The following CHODL variants were observed in gnomAD, a reference collection of about 807,000 sequenced individuals.
The protein encoded by CHODL is chondrolectin.
Under a neutral mutation model 34.5 loss-of-function variants are expected in CHODL, and 29 were observed. The observed-to-expected ratio is 0.84, with a 90% CI of 0.63 to 1.15. CHODL has a LOEUF of 1.15. Among genes scored for constraint, CHODL ranks in the 50% most tolerant of loss-of-function variants. CHODL has a pLI of 0.00. For synonymous variants in CHODL, 125 were observed against 116.1 expected (o/e 1.08, Z -0.49); for missense variants, 332 against 332.5 (o/e 1.00, Z 0.01).
At chr21:18,147,959 T>G (rs536568265) in intron 2 of CHODL, among the ~76,000 whole-genome samples, 1 of 152,174 alleles carries the variant, frequency 6.6e-6, no homozygotes, top group African/African-American at 2.4e-5. Flanking sequence ...TAATTGTACA[T>G]CTTATTTCAG....
At chr21:18,257,729 C>G (rs2074334617) in intron 3 of CHODL, among the ~76,000 whole-genome samples, 1 of 152,082 alleles carries the variant, frequency 6.6e-6, no homozygotes. Flanking sequence ...TTGAAATCTC[C>G]CACTACTTGT....
intron 2 of CHODL, among the ~76,000 whole-genome samples, chr21:18,158,787 G>A (rs1339047239): frequency 4.7e-5 from 7 of 148,070 alleles, no homozygotes; most frequent in African/African-American, 1.7e-4. Flanking sequence ...GCGGTGAGCC[G>A]AGGTGCTGCC....
At chr21:18,073,719 A>G (rs1017541414) in intron 2 of CHODL, among the ~76,000 whole-genome samples, 1 of 152,012 alleles carries the variant, frequency 6.6e-6, no homozygotes, top group Non-Finnish European at 1.5e-5. Flanking sequence ...GAATAAAAAG[A>G]TTAGCTTTAT....
At chr21:17,964,438 G>A (rs965483753) in intron 1 of CHODL, among the ~76,000 whole-genome samples, 3 of 152,232 alleles carry the variant, frequency 2.0e-5, no homozygotes, top group Non-Finnish European at 4.4e-5. Flanking sequence ...TTAAATAATA[G>A]AGAAGCCAAT....
intron 1 of CHODL, among the ~76,000 whole-genome samples, chr21:17,938,981 T>C (rs965507846): frequency 6.6e-6 from 1 of 152,214 alleles, no homozygotes; most frequent in South Asian, 2.1e-4. Flanking sequence ...CCCTACACTA[T>C]TCTGAAAATC....
chr21:18,175,012 A>G (rs771973453), intron 2 of CHODL, among the ~76,000 whole-genome samples: 71 of 152,352 alleles, frequency 4.7e-4, no homozygotes, highest in Non-Finnish European at 7.1e-4. Context: ...TGTGAAATGC[A>G]TATAATACTA....
chr21:18,216,714 C>T (rs1247103925), intron 2 of CHODL, among the ~76,000 whole-genome samples: 1 of 152,202 alleles, frequency 6.6e-6, no homozygotes, highest in African/African-American at 2.4e-5. Context: ...GGGGAGGAAT[C>T]AGGAAACTTA....
At chr21:18,073,820 C>A (rs141421742) in intron 2 of CHODL, among the ~76,000 whole-genome samples, 2 of 152,074 alleles carry the variant, frequency 1.3e-5, no homozygotes, top group African/African-American at 4.8e-5. Flanking sequence ...TATTCACAAT[C>A]ATTTATGTAA....
At chr21:18,170,528 G>A (rs2073214419) in intron 2 of CHODL, among the ~76,000 whole-genome samples, 1 of 151,974 alleles carries the variant, frequency 6.6e-6, no homozygotes. Context: ...TATTTTCTGT[G>A]TACTGTCTTA....
intron 2 of CHODL, among the ~76,000 whole-genome samples, chr21:18,150,670 G>C (rs1335236778): frequency 6.6e-6 from 1 of 151,984 alleles, no homozygotes; most frequent in African/African-American, 2.4e-5. Context: ...CCTATGATAC[G>C]CATACACTGT....
At chr21:18,146,738 T>G (rs766730463) in intron 2 of CHODL, among the ~76,000 whole-genome samples, 1 of 152,220 alleles carries the variant, frequency 6.6e-6, no homozygotes, top group Non-Finnish European at 1.5e-5. Flanking sequence ...CTCATCTCTT[T>G]TATTTCAAGA....
At chr21:18,212,102 GTCTT>G (rs1325189104) in intron 2 of CHODL, among the ~76,000 whole-genome samples, 1 of 152,090 alleles carries the variant, frequency 6.6e-6, no homozygotes, top group African/African-American at 2.4e-5. Flanking sequence ...CATGCTTTGA[GTCTT>G]TCTTTTTGCT....
At chr21:18,212,431 G>A (rs947046786) in intron 2 of CHODL, among the ~76,000 whole-genome samples, 2 of 152,016 alleles carry the variant, frequency 1.3e-5, no homozygotes, top group Non-Finnish European at 2.9e-5. Flanking sequence ...ATAGAAACAA[G>A]TGAATTCTTA....
chr21:18,231,231 A>G (rs2073975553), intron 2 of CHODL, among the ~76,000 whole-genome samples: 1 of 152,166 alleles, frequency 6.6e-6, no homozygotes, highest in African/African-American at 2.4e-5. Flanking sequence ...GGTAAATTTC[A>G]GCTCCTTTCC....
chr21:18,227,927 C>T (rs1779920514), intron 2 of CHODL, among the ~76,000 whole-genome samples: 1 of 152,060 alleles, frequency 6.6e-6, no homozygotes, highest in Non-Finnish European at 1.5e-5. Flanking sequence ...TCTAGAAGAA[C>T]AAGACTTTTG....
chr21:18,215,847 G>C (rs1272388986), intron 2 of CHODL, among the ~76,000 whole-genome samples: 1 of 152,042 alleles, frequency 6.6e-6, no homozygotes, highest in Non-Finnish European at 1.5e-5. Context: ...CAAACTTCTT[G>C]GGAAATCTTA....
intron 1 of CHODL, among the ~76,000 whole-genome samples, chr21:18,005,991 C>G (rs2063957316): frequency 6.6e-6 from 1 of 152,176 alleles, no homozygotes; most frequent in Admixed American, 6.5e-5. Flanking sequence ...GGGGGCGGGT[C>G]TTTCCTGTGC....
intron 2 of CHODL, among the ~76,000 whole-genome samples, chr21:18,175,159 A>T (rs2073290409): frequency 1.3e-5 from 2 of 152,268 alleles, no homozygotes; most frequent in Non-Finnish European, 2.9e-5. Flanking sequence ...GCTTTTATGT[A>T]TTGAGGCTCT....
At chr21:18,172,363 A>T (rs1314762410) in intron 2 of CHODL, among the ~76,000 whole-genome samples, 1 of 152,144 alleles carries the variant, frequency 6.6e-6, no homozygotes, top group Non-Finnish European at 1.5e-5. Context: ...TCCAATAATG[A>T]TATTTCTCTG....
Sources: gnomAD v4.1 joint callset for allele counts (sites outside exome capture counted in the v4.1 genomes callset) on GRCh38, gnomAD v4.1.1 for gene constraint, MANE v1.5 for transcripts, NCBI Gene and HGNC (gene_info 2026-07-23, HGNC 2026-07-21) for gene names.